The following LRRC28 variants were observed in gnomAD, a reference collection of about 807,000 sequenced individuals.
LRRC28 encodes leucine rich repeat containing 28, also known as leucine-rich repeat-containing protein 28.
LRRC28 carries 39 observed loss-of-function variants against 45.7 expected under a neutral mutation model. The observed-to-expected ratio is 0.85, with a 90% confidence interval of 0.66 to 1.12. LRRC28 has a LOEUF of 1.12. Ranked by LOEUF, LRRC28 falls within the 50% of genes most tolerant of loss-of-function variation. The pLI is 0.00. For missense variants in LRRC28, 435 were observed against 438.5 expected, an observed-to-expected ratio of 0.99 and a Z score of 0.07; for synonymous variants, 206 against 178.8, an observed-to-expected ratio of 1.15 and a Z score of -1.22.
intron 5 of LRRC28, among the ~76,000 whole-genome samples, chr15:99,324,233 A>G (rs765293540): frequency 2.0e-5 from 3 of 152,182 alleles, no homozygotes; most frequent in Non-Finnish European, 4.4e-5. Context: ...GATTCATACA[A>G]TGAGGTTTCA....
intron 2 of LRRC28, among the ~76,000 whole-genome samples, chr15:99,269,152 T>G (rs1487002737): frequency 6.6e-6 from 1 of 152,246 alleles, no homozygotes; most frequent in Non-Finnish European, 1.5e-5. Flanking sequence ...TTTACATTTT[T>G]TGCCAGAAAA....
At chr15:99,306,375 T>G (rs1374099176) in intron 5 of LRRC28, among the ~76,000 whole-genome samples, 5 of 152,234 alleles carry the variant, frequency 3.3e-5, no homozygotes, top group Admixed American at 6.5e-5. Flanking sequence ...AATCCCTAAC[T>G]ATTTAAAGGA....
Position 99,386,213 on chromosome 15 carries a change from C to A in LRRC28, c.*111C>A. ...CAATGCGGGGGCACTGCAGAACTCT[C>A]TAGAAATGTCATGATTGAGCTTCAG... On this transcript the variant is annotated 3_prime_UTR_variant, in exon 10 of 10. Coordinates refer to ENST00000301981, the MANE Select transcript of LRRC28 (RefSeq NM_144598.5). 1.2e-6 allele frequency: 1 copy of A among 821,986 alleles called. No homozygotes were observed. The highest frequency in any genetic ancestry group is 2.0e-6 in the Non-Finnish European group (1 of 489,178). 50.9% of individuals were successfully genotyped at this position (821,986 alleles called of 1,614,324 possible). A position where few individuals can be genotyped will look rare whatever the true frequency, so the allele number is the denominator to read the frequency against.
At chr15:99,288,260 A>G (rs1425537223) in intron 5 of LRRC28, among the ~76,000 whole-genome samples, 1 of 152,208 alleles carries the variant, frequency 6.6e-6, no homozygotes, top group Non-Finnish European at 1.5e-5. Context: ...TGAATTTCAC[A>G]TAAGAGAATT....
intron 9 of LRRC28, among the ~76,000 whole-genome samples, chr15:99,375,532 G>A (rs762789973): frequency 7.9e-5 from 12 of 152,130 alleles, no homozygotes; most frequent in Non-Finnish European, 1.6e-4. Flanking sequence ...TGAAGAAATT[G>A]TGTAAAACTT....
chr15:99,312,286 T>C (rs1360665978), intron 5 of LRRC28, among the ~76,000 whole-genome samples: 1 of 152,198 alleles, frequency 6.6e-6, no homozygotes, highest in Non-Finnish European at 1.5e-5. Flanking sequence ...TACTGAATAC[T>C]ATAGGCAATT....
At chr15:99,356,209 A>G (rs1957043157) in intron 7 of LRRC28, among the ~76,000 whole-genome samples, 1 of 152,234 alleles carries the variant, frequency 6.6e-6, no homozygotes, top group African/African-American at 2.4e-5. Flanking sequence ...GTAAAGAATC[A>G]GGAAAATGTG....
chr15:99,363,244 C>T lies in LRRC28; in HGVS notation c.1010C>T (p.Pro337Leu), dbSNP rs568588031. The T allele has an allele frequency of 2.5e-6, 4 of 1,613,962 alleles. No individual in the cohort carries two copies. The South Asian group carries it at 4.4e-5, about 18-fold the overall frequency. The change falls in exon 9 of 10, where the codon CCA (proline) becomes CTA (leucine). Residue 337 changes from proline (P) to leucine (L), a missense_variant. By Grantham distance (98) the Pro-to-Leu change is moderately conservative. Coordinates refer to ENST00000301981, the MANE Select transcript of LRRC28 (RefSeq NM_144598.5). Reference protein sequence around the residue: ...YPKLFPLRETPMAGLHQWKTT... With the variant: ...YPKLFPLRETLMAGLHQWKTT... Reference sequence around the variant, plus strand: ...AAGCTCTTTCCCTTGAGAGAGACGCCAATGGCAGGGCTGCACCAGTGGTAA... The same window carrying T: ...AAGCTCTTTCCCTTGAGAGAGACGCTAATGGCAGGGCTGCACCAGTGGTAA...
At chr15:99,276,070 T>G (rs575916697) in intron 2 of LRRC28, among the ~76,000 whole-genome samples, 1 of 152,108 alleles carries the variant, frequency 6.6e-6, no homozygotes, top group East Asian at 1.9e-4. Flanking sequence ...AGTGATCTAG[T>G]TTGTGCACTT....
At position 99,288,371 on chromosome 15, in the gene LRRC28, C is replaced by CT. The variant is rs67593137; in HGVS notation, c.385+449dup. ...TAGTGAGGTAACTAATGTACATTAA[C>CT]TTTTTTTTTTTTTTTTTTTTTTTTT... On this transcript the variant is annotated intron_variant, in intron 5 of 9. Transcript: ENST00000301981. Among the ~76,000 whole-genome samples the CT allele has an allele frequency of 4.1e-3, 338 of 82,900 alleles. 23 individuals carry two copies. The highest frequency in any genetic ancestry group is 9.3e-3 in the African/African-American group (166 of 17,930). The allele number at this position is 82,900 out of a possible 152,430, so 54.4% of individuals were successfully genotyped here.
chr15:99,340,803 G>A (rs954902378), intron 6 of LRRC28, among the ~76,000 whole-genome samples: 3 of 152,180 alleles, frequency 2.0e-5, no homozygotes, highest in Non-Finnish European at 4.4e-5. Flanking sequence ...ATGTTCTATA[G>A]TAATTGCTGG....
intron 3 of LRRC28, among the ~76,000 whole-genome samples, chr15:99,280,087 T>C (rs2081740298): frequency 6.6e-6 from 1 of 152,186 alleles, no homozygotes; most frequent in Non-Finnish European, 1.5e-5. Flanking sequence ...TTTTGTATAC[T>C]AATTTGTCAT....
chr15:99,308,651 CA>C (rs1225240536), intron 5 of LRRC28, among the ~76,000 whole-genome samples: 1 of 152,072 alleles, frequency 6.6e-6, no homozygotes, highest in Non-Finnish European at 1.5e-5. Flanking sequence ...TCAGCCTGGG[CA>C]ATAGAGTGGG....
chr15:99,280,959 A>G (rs1489421835), intron 3 of LRRC28, among the ~76,000 whole-genome samples: 1 of 151,556 alleles, frequency 6.6e-6, no homozygotes, highest in Non-Finnish European at 1.5e-5. Flanking sequence ...AAAAGTCAGT[A>G]ATATTTTCTT....
intron 7 of LRRC28, chr15:99,355,793 A>G (rs577461108): frequency 8.5e-5 from 13 of 152,222 alleles, no homozygotes; most frequent in East Asian, 1.9e-4. Context: ...TAAATAAGCA[A>G]TTATAGCTGG....
Position 99,258,157 on chromosome 15 carries a change from T to C in LRRC28, c.168+2032T>C. 6 of 1,612,552 alleles carry C rather than the reference T, an allele frequency of 3.7e-6. No individual in the cohort carries two copies. The South Asian group carries it at 6.6e-5, about 18-fold the overall frequency. On this transcript the variant is annotated intron_variant, in intron 2 of 9. Coordinates refer to ENST00000301981, the MANE Select transcript of LRRC28 (RefSeq NM_144598.5). ...CAAACGAGTTTTTAAACAAAATGACTGAAGCACAGGAAGATGGCCAGTCAA... is the reference window on the plus strand; with the variant it reads ...CAAACGAGTTTTTAAACAAAATGACCGAAGCACAGGAAGATGGCCAGTCAA...
intron 9 of LRRC28, among the ~76,000 whole-genome samples, chr15:99,367,816 A>G (rs1014001876): frequency 2.0e-5 from 3 of 152,114 alleles, no homozygotes; most frequent in Non-Finnish European, 2.9e-5. Context: ...GCTTCATTAC[A>G]TAGACATGAT....
chr15:99,312,625 T>C (rs1483066871), intron 5 of LRRC28, among the ~76,000 whole-genome samples: 1 of 152,208 alleles, frequency 6.6e-6, no homozygotes, highest in Non-Finnish European at 1.5e-5. Context: ...TGTACAGTAT[T>C]TGTATGTGCT....
chr15:99,367,692 C>G (rs1185069964), intron 9 of LRRC28, among the ~76,000 whole-genome samples: 1 of 152,160 alleles, frequency 6.6e-6, no homozygotes, highest in Admixed American at 6.5e-5. Flanking sequence ...ATAGAAGAGA[C>G]GTATAAAGCA....
Sources: allele counts gnomAD v4.1 joint callset (sites outside exome capture counted in the v4.1 genomes callset), GRCh38; gene constraint gnomAD v4.1.1; transcripts MANE v1.5; gene names NCBI Gene and HGNC (gene_info 2026-07-23, HGNC 2026-07-21).